The following ARIH1 variants were observed in gnomAD, a reference collection of about 807,000 sequenced individuals.
The protein encoded by ARIH1 is ariadne RBR E3 ubiquitin protein ligase 1.
Under a neutral mutation model 85.0 loss-of-function variants are expected in ARIH1, and 8 were observed. The observed-to-expected ratio is 0.09, with a 90% CI of 0.06 to 0.17. The LOEUF is 0.17. Among genes scored for constraint, ARIH1 ranks in the 10% least tolerant of loss-of-function variants. The pLI is 1.00. For missense variants in ARIH1, 311 were observed against 718.1 expected (o/e 0.43, Z 6.48); for synonymous variants, 238 against 253.6 (o/e 0.94, Z 0.59).
intron 1 of ARIH1, among the ~76,000 whole-genome samples, chr15:72,495,188 A>T (rs978912063): frequency 6.6e-6 from 1 of 152,194 alleles, no homozygotes; most frequent in African/African-American, 2.4e-5. Context: ...TAGAGATAGA[A>T]AGTAGATCAG....
At chr15:72,491,849 A>G (rs2063860726) in intron 1 of ARIH1, among the ~76,000 whole-genome samples, 1 of 152,216 alleles carries the variant, frequency 6.6e-6, no homozygotes, top group African/African-American at 2.4e-5. Context: ...TCAGTATTTT[A>G]TATCATTAAA....
intron 1 of ARIH1, among the ~76,000 whole-genome samples, chr15:72,516,482 T>G (rs964759185): frequency 1.3e-5 from 2 of 152,212 alleles, no homozygotes; most frequent in Non-Finnish European, 2.9e-5. Flanking sequence ...GTGTCTCTGT[T>G]TTCTGTTTTC....
At chr15:72,477,947 C>G (rs2063801114) in intron 1 of ARIH1, among the ~76,000 whole-genome samples, 1 of 151,912 alleles carries the variant, frequency 6.6e-6, no homozygotes, top group African/African-American at 2.4e-5. Context: ...ACCCCAGTAT[C>G]TGGGATTACA....
Position 72,581,008 on chromosome 15 carries a change from G to C in ARIH1, c.1476+17G>C. On this transcript the variant is annotated intron_variant, in intron 12 of 13. Coordinates refer to ENST00000379887, the MANE Select transcript of ARIH1 (RefSeq NM_005744.5). ...ATCTTTGAGGTAGGAGTAGTTCTGG[G>C]TGAGGAAAAAGCCCACCTTGTATCA... 1 of 1,605,512 alleles carries C rather than the reference G, an allele frequency of 6.2e-7. No individual in the cohort carries two copies. Among genetic ancestry groups the C allele is most frequent in the Non-Finnish European group, 8.5e-7 (1 of 1,174,280 alleles).
chr15:72,474,524 C>A lies in ARIH1; in HGVS notation c.-116C>A. 1 of 1,314,444 alleles carries A rather than the reference C, an allele frequency of 7.6e-7. No individual in the cohort carries two copies. The highest frequency in any genetic ancestry group is 9.9e-7 in the Non-Finnish European group (1 of 1,005,476). 81.4% of individuals were successfully genotyped at this position (1,314,444 alleles called of 1,614,324 possible). On this transcript the variant is annotated 5_prime_UTR_variant, in exon 1 of 14. Coordinates refer to ENST00000379887, the MANE Select transcript of ARIH1 (RefSeq NM_005744.5). The stretch of plus-strand genomic sequence containing the variant: ...TGGGGAGGAGCCGCGGCTCGCGGGG[C>A]CGGAGCCAGGCCTGCGTCCGGACAT...
chr15:72,494,407 A>ACC (rs1326331977), intron 1 of ARIH1, among the ~76,000 whole-genome samples: 50 of 152,292 alleles, frequency 3.3e-4, no homozygotes, highest in Non-Finnish European at 5.1e-4. Context: ...TACTAGGCAG[A>ACC]TGGGGTTAGA....
At chr15:72,544,103 T>TA (rs1268794852) in intron 2 of ARIH1, among the ~76,000 whole-genome samples, 1 of 152,190 alleles carries the variant, frequency 6.6e-6, no homozygotes, top group African/African-American at 2.4e-5. Context: ...TATATTTAGA[T>TA]ACATATTTTA....
chr15:72,577,832 G>A (rs1186586268), intron 11 of ARIH1, among the ~76,000 whole-genome samples: 1 of 152,066 alleles, frequency 6.6e-6, no homozygotes, highest in African/African-American at 2.4e-5. Context: ...AGGCACACTT[G>A]GTGTAACTTT....
intron 2 of ARIH1, among the ~76,000 whole-genome samples, chr15:72,539,674 A>G (rs969963189): frequency 1.3e-5 from 2 of 152,200 alleles, no homozygotes; most frequent in South Asian, 2.1e-4. Flanking sequence ...TATCCAAATG[A>G]CATTTCAAAA....
intron 2 of ARIH1, among the ~76,000 whole-genome samples, chr15:72,533,798 T>C (rs1464881659): frequency 1.3e-5 from 2 of 152,074 alleles, no homozygotes; most frequent in African/African-American, 4.8e-5. Flanking sequence ...TCCCAGCTAC[T>C]CAGGAGGCTG....
intron 2 of ARIH1, among the ~76,000 whole-genome samples, chr15:72,543,499 C>A (rs549628466): frequency 1.3e-5 from 2 of 151,950 alleles, no homozygotes; most frequent in Non-Finnish European, 2.9e-5. Context: ...GTTGGCATTT[C>A]GATTGATAAT....
chr15:72,518,657 G>A (rs968031658), intron 2 of ARIH1, among the ~76,000 whole-genome samples: 4 of 151,998 alleles, frequency 2.6e-5, no homozygotes, highest in African/African-American at 4.8e-5. Flanking sequence ...GTGTGGTGGC[G>A]TATGCCTGTA....
intron 7 of ARIH1, among the ~76,000 whole-genome samples, chr15:72,565,288 C>T (rs142120350): frequency 9.4e-4 from 143 of 152,084 alleles, no homozygotes; most frequent in South Asian, 1.9e-3. Context: ...CAGCATTTCA[C>T]CTTGTTGGCC....
rs1471992324 is a variant in ARIH1 at position 72,592,746 on chromosome 15, G to A, written c.*9454G>A. On this transcript the variant is annotated 3_prime_UTR_variant, in exon 14 of 14. Transcript: ENST00000379887. ...CGCATACTGTATGTATTAGGACATT[G>A]TTCTTTATTGCTGAGTAGTATTTCA... is the stretch of plus-strand genomic sequence containing the variant. 1 of 152,136 alleles carries A rather than the reference G, an allele frequency of 6.6e-6. No homozygotes were observed. Among genetic ancestry groups the A allele is most frequent in the East Asian group, 1.9e-4 (1 of 5,190 alleles). The allele number at this position is 152,136 out of a possible 1,614,324, so 9.4% of individuals were successfully genotyped here. A position where few individuals can be genotyped will look rare whatever the true frequency, so the allele number is the denominator to read the frequency against.
Position 72,511,573 on chromosome 15 carries a change from A to G in ARIH1, c.376-6494A>G, listed in dbSNP as rs546796762. ...ACACACCTTGGCCTCTCAAAGTGCT[A>G]GGATTACAGGCATGAACCACCGTGC... On this transcript the variant is annotated intron_variant, in intron 1 of 13. Transcript: ENST00000379887. Among the ~76,000 whole-genome samples the G allele has an allele frequency of 2.1e-4, 32 of 152,224 alleles. No homozygotes were observed. The East Asian group carries it at 5.6e-3, about 27-fold the overall frequency.
intron 1 of ARIH1, among the ~76,000 whole-genome samples, chr15:72,512,510 GT>G (rs777185742): frequency 1.3e-4 from 19 of 143,144 alleles, no homozygotes; most frequent in African/African-American, 3.6e-4. Flanking sequence ...TTGTTTCTCG[GT>G]TTTTTTCTTT....
intron 11 of ARIH1, among the ~76,000 whole-genome samples, chr15:72,578,679 A>G (rs1417760768): frequency 6.6e-6 from 1 of 152,150 alleles, no homozygotes; most frequent in African/African-American, 2.4e-5. Flanking sequence ...TCCACATATA[A>G]AGTAGACTTA....
chr15:72,542,970 C>T (rs2064114490), intron 2 of ARIH1, among the ~76,000 whole-genome samples: 1 of 150,912 alleles, frequency 6.6e-6, no homozygotes, highest in African/African-American at 2.4e-5. Context: ...GCTCTGTCAC[C>T]CAGGCTAGAG....
chr15:72,590,097 G>A lies in ARIH1; in HGVS notation c.*6805G>A, dbSNP rs1424289084. On this transcript the variant is annotated 3_prime_UTR_variant, in exon 14 of 14. Transcript: ENST00000379887. The stretch of plus-strand genomic sequence containing the variant: ...TGAAGTTACAAACCTAGGTTTTATT[G>A]GTCAGCACACACAGTGCCGGGCACT... The A allele has an allele frequency of 6.6e-6, 1 of 152,188 alleles. No homozygotes were observed. The highest frequency in any genetic ancestry group is 6.5e-5 in the Admixed American group (1 of 15,286). 9.4% of individuals were successfully genotyped at this position (152,188 alleles called of 1,614,324 possible). A position where few individuals can be genotyped will look rare whatever the true frequency, so the allele number is the denominator to read the frequency against.
Sources: gnomAD v4.1 joint callset for allele counts (sites outside exome capture counted in the v4.1 genomes callset) on GRCh38, gnomAD v4.1.1 for gene constraint, MANE v1.5 for transcripts, NCBI Gene and HGNC (gene_info 2026-07-23, HGNC 2026-07-21) for gene names.